Variants in ZNF385D observed in about 807,000 individuals in gnomAD.
ZNF385D encodes zinc finger protein 659.
In ZNF385D, 15 loss-of-function variants were observed where a neutral mutation model predicts 35.8. The observed-to-expected ratio is 0.42, with a 90% confidence interval of 0.28 to 0.64. ZNF385D has a LOEUF of 0.64. Ranked by LOEUF, ZNF385D falls within the 30% of genes least tolerant of loss-of-function variation. The pLI is 0.23. For synonymous variants in ZNF385D, 212 were observed against 186.8 expected (o/e 1.13, Z -1.10); for missense variants, 474 against 494.6 (o/e 0.96, Z 0.39).
intron 1 of ZNF385D, among the ~76,000 whole-genome samples, chr3:21,707,303 A>T (rs973336910): frequency 6.6e-6 from 1 of 152,182 alleles, no homozygotes; most frequent in South Asian, 2.1e-4. Context: ...TTTACTATAA[A>T]TTGTGCACAG....
chr3:22,031,504 C>T (rs1559317640), intron 3 of ZNF385D, among the ~76,000 whole-genome samples: 1 of 152,198 alleles, frequency 6.6e-6, no homozygotes, highest in Non-Finnish European at 1.5e-5. Context: ...CTGAGCTGCA[C>T]CTTGCCCCTT....
intron 2 of ZNF385D, among the ~76,000 whole-genome samples, chr3:22,362,897 A>C (rs1696479906): frequency 6.6e-6 from 1 of 152,092 alleles, no homozygotes; most frequent in Non-Finnish European, 1.5e-5. Context: ...GGGGGCCCCT[A>C]CTTTGTTCAA....
At chr3:21,797,040 A>T (rs1273974107) in intron 3 of ZNF385D, among the ~76,000 whole-genome samples, 1 of 152,236 alleles carries the variant, frequency 6.6e-6, no homozygotes, top group Non-Finnish European at 1.5e-5. Context: ...CCTCTCCTTG[A>T]AAGACATCGT....
At chr3:21,494,671 GT>G (rs1705690886) in intron 4 of ZNF385D, among the ~76,000 whole-genome samples, 1 of 152,194 alleles carries the variant, frequency 6.6e-6, no homozygotes, top group South Asian at 2.1e-4. Flanking sequence ...ACCTCCAAGA[GT>G]TAGGTATTCC....
chr3:22,288,818 C>T (rs547761358), intron 2 of ZNF385D, among the ~76,000 whole-genome samples: 2 of 152,080 alleles, frequency 1.3e-5, no homozygotes, highest in African/African-American at 4.8e-5. Flanking sequence ...TTAGATGAGA[C>T]AGTAGCATCC....
chr3:21,706,379 A>G (rs2067899861), intron 1 of ZNF385D, among the ~76,000 whole-genome samples: 2 of 152,220 alleles, frequency 1.3e-5, no homozygotes, highest in African/African-American at 4.8e-5. Flanking sequence ...ACTGGGATCA[A>G]TGAAGAACCA....
intron 2 of ZNF385D, among the ~76,000 whole-genome samples, chr3:21,582,698 C>T (rs2063701670): frequency 6.6e-6 from 1 of 152,156 alleles, no homozygotes; most frequent in Non-Finnish European, 1.5e-5. Context: ...GCCAGCACCA[C>T]AGAATTTCTC....
chr3:21,548,093 G>A (rs1452502827), intron 3 of ZNF385D, among the ~76,000 whole-genome samples: 1 of 152,100 alleles, frequency 6.6e-6, no homozygotes, highest in Non-Finnish European at 1.5e-5. Context: ...TCTAACAGGG[G>A]ACTCTGGCCT....
At chr3:21,907,958 T>C (rs567649405) in intron 3 of ZNF385D, among the ~76,000 whole-genome samples, 20 of 152,092 alleles carry the variant, frequency 1.3e-4, no homozygotes, top group Admixed American at 1.2e-3. Context: ...AAGCAAACTA[T>C]AGAAATAAAA....
chr3:22,101,760 C>T (rs1701956421), intron 3 of ZNF385D, among the ~76,000 whole-genome samples: 1 of 151,906 alleles, frequency 6.6e-6, no homozygotes, highest in Non-Finnish European at 1.5e-5. Context: ...AAATTGAAGA[C>T]CCAAAAGAAG....
chr3:21,745,555 G>T (rs745643928), intron 1 of ZNF385D, among the ~76,000 whole-genome samples: 3 of 152,132 alleles, frequency 2.0e-5, no homozygotes, highest in Non-Finnish European at 4.4e-5. Context: ...TTTAAGCTTT[G>T]ATATTTCTAG....
intron 4 of ZNF385D, among the ~76,000 whole-genome samples, chr3:21,446,732 A>T (rs1036603775): frequency 1.3e-5 from 2 of 151,944 alleles, no homozygotes; most frequent in Admixed American, 6.6e-5. Context: ...ACCTCAGGTG[A>T]TCCGCCCTCC....
At chr3:21,742,825 C>T (rs765087443) in intron 1 of ZNF385D, among the ~76,000 whole-genome samples, 1 of 152,172 alleles carries the variant, frequency 6.6e-6, no homozygotes, top group Non-Finnish European at 1.5e-5. Context: ...ACCAAATTAT[C>T]TACATTAAAT....
intron 2 of ZNF385D, among the ~76,000 whole-genome samples, chr3:22,339,467 G>C (rs1234947951): frequency 6.6e-6 from 1 of 151,988 alleles, no homozygotes; most frequent in South Asian, 2.1e-4. Flanking sequence ...ACCATCAAAG[G>C]GTTCTTACAG....
At chr3:21,925,824 C>CA (rs1181155283) in intron 3 of ZNF385D, among the ~76,000 whole-genome samples, 1 of 151,756 alleles carries the variant, frequency 6.6e-6, no homozygotes, top group Non-Finnish European at 1.5e-5. Context: ...GGCAAAAGAC[C>CA]AAAAAACACC....
intron 3 of ZNF385D, among the ~76,000 whole-genome samples, chr3:21,800,476 AT>A (rs375367205): frequency 2.6e-5 from 4 of 151,934 alleles, no homozygotes; most frequent in African/African-American, 9.7e-5. Context: ...TAGTAGGTTA[AT>A]TTTTTTTCCT....
intron 4 of ZNF385D, among the ~76,000 whole-genome samples, chr3:21,501,246 C>T (rs930093526): frequency 5.9e-5 from 9 of 152,112 alleles, no homozygotes; most frequent in East Asian, 1.9e-4. Flanking sequence ...TTCCTTCTGC[C>T]GTCTTCCTTC....
rs78884155 is a variant in ZNF385D, at chr3:22,238,045, T to C, written c.107-69010A>G. ...TGGAAATCCAATTGTCCCAGTACCA[T>C]TGAATGAAAAGATGATTCTTTCTCT... On this transcript the variant is annotated intron_variant, in intron 2 of 5. Coordinates refer to the ZNF385D transcript ENST00000494108. 1.8e-3 allele frequency among the ~76,000 whole-genome samples: 271 copies of C among 151,252 alleles called. 18 individuals are homozygous for C. In the East Asian group the frequency reaches 0.027, roughly 15 times the overall value.
intron 3 of ZNF385D, among the ~76,000 whole-genome samples, chr3:22,049,389 G>A (rs1333808179): frequency 6.6e-6 from 1 of 151,968 alleles, no homozygotes; most frequent in African/African-American, 2.4e-5. Flanking sequence ...TACTGTAGTT[G>A]TTTATTAGTT....
Sources: gnomAD v4.1 joint callset for allele counts (sites outside exome capture counted in the v4.1 genomes callset) on GRCh38, gnomAD v4.1.1 for gene constraint, MANE v1.5 for transcripts, NCBI Gene and HGNC (gene_info 2026-07-23, HGNC 2026-07-21) for gene names.